NKAIN2: variants seen among roughly 807,000 people sequenced by gnomAD.
NKAIN2 encodes sodium/potassium-transporting ATPase subunit beta-1-interacting protein 2.
NKAIN2 carries 14 observed loss-of-function variants against 32.6 expected under a neutral mutation model. The ratio of observed to expected loss-of-function variants is 0.43; its 90% CI spans 0.28 to 0.67. The LOEUF is 0.67. NKAIN2 is among the 30% of genes least tolerant of loss of function. NKAIN2 has a pLI of 0.17. For synonymous variants in NKAIN2, 80 were observed against 87.2 expected, an observed-to-expected ratio of 0.92 and a Z score of 0.46; for missense variants, 198 against 258.3, an observed-to-expected ratio of 0.77 and a Z score of 1.60.
At position 124,647,496 on chromosome 6, in the gene NKAIN2, C is replaced by CAAAAAAAA. The variant is rs1157607122; in HGVS notation, c.274-10673_274-10666dup. The stretch of plus-strand genomic sequence containing the variant: ...CCTGGGCGACAGAGCGAGACTCTGT[C>CAAAAAAAA]AAAAAAAAAAAAAAAAAAAAAAAAG... On this transcript the variant is annotated intron_variant, in intron 3 of 6. Coordinates refer to ENST00000368417, the MANE Select transcript of NKAIN2 (RefSeq NM_001040214.3). 7.0e-4 allele frequency among the ~76,000 whole-genome samples: 41 copies of CAAAAAAAA among 58,914 alleles called. 3 individuals carry two copies. The highest frequency in any genetic ancestry group is 9.4e-4 in the African/African-American group (12 of 12,728). The allele number at this position is 58,914 out of a possible 152,430, so 38.6% of individuals were successfully genotyped here. A position where few individuals can be genotyped will look rare whatever the true frequency, so the allele number is the denominator to read the frequency against.
At chr6:124,679,732 A>G (rs1372043260) in intron 4 of NKAIN2, among the ~76,000 whole-genome samples, 1 of 152,160 alleles carries the variant, frequency 6.6e-6, no homozygotes, top group Non-Finnish European at 1.5e-5. Context: ...AAAATAAATA[A>G]TGGTTTTTAA....
intron 3 of NKAIN2, among the ~76,000 whole-genome samples, chr6:124,491,305 T>C (rs930798034): frequency 6.6e-6 from 1 of 151,948 alleles, no homozygotes. Flanking sequence ...TCTGCTCTAC[T>C]GTGCTCTCTT....
In NKAIN2 at chr6:124,398,204, G is replaced by C. The variant is rs569879703; in HGVS notation, c.273+42857G>C. On this transcript the variant is annotated intron_variant, in intron 3 of 6. Transcript: ENST00000368417. ...GGAGGCGGAGCTTGCAGTGAGCCGA[G>C]ATCGCGCCACTGCACTCCAGCCTGG... Among the ~76,000 whole-genome samples the C allele has an allele frequency of 6.8e-3, 866 of 126,968 alleles. 3 individuals are homozygous for C. Among genetic ancestry groups the C allele is most frequent in the Admixed American group, 0.012 (114 of 9,790 alleles). The allele number at this position is 126,968 out of a possible 152,430, so 83.3% of individuals were successfully genotyped here.
At position 123,868,050 on chromosome 6, in the gene NKAIN2, A is replaced by G. The variant is rs184199592; in HGVS notation, c.54+63796A>G. Among the ~76,000 whole-genome samples, 358 of 152,022 alleles carry G rather than the reference A, an allele frequency of 2.4e-3. 2 individuals carry two copies. The highest frequency in any genetic ancestry group is 8.1e-3 in the African/African-American group (337 of 41,442). On this transcript the variant is annotated intron_variant, in intron 1 of 6. Transcript: ENST00000368417. ...CACCCGGCTAATTTTTTGTATTTTT[A>G]GTAGAGACAGGGTTTCACTGTGTTA...
intron 3 of NKAIN2, among the ~76,000 whole-genome samples, chr6:124,589,386 T>C (rs1047230304): frequency 6.6e-6 from 1 of 152,326 alleles, no homozygotes; most frequent in South Asian, 2.1e-4. Context: ...ACTCTAATAT[T>C]CGTTAAATAT....
chr6:123,834,377 A>G (rs1312165043), intron 1 of NKAIN2, among the ~76,000 whole-genome samples: 2 of 149,452 alleles, frequency 1.3e-5, no homozygotes, highest in Non-Finnish European at 3.0e-5. Flanking sequence ...CTGGTCTTGA[A>G]CTCCTGACCT....
chr6:124,438,111 T>C (rs1775538531), intron 3 of NKAIN2, among the ~76,000 whole-genome samples: 2 of 152,104 alleles, frequency 1.3e-5, no homozygotes, highest in South Asian at 2.1e-4. Flanking sequence ...TCTCAACACA[T>C]AGCTTGTCAT....
chr6:124,633,254 G>T (rs925096037), intron 3 of NKAIN2, among the ~76,000 whole-genome samples: 1 of 152,104 alleles, frequency 6.6e-6, no homozygotes, highest in Non-Finnish European at 1.5e-5. Flanking sequence ...CTCATCTTCT[G>T]TTAAATAAGA....
In NKAIN2 at chr6:123,804,114, T is replaced by G. The variant is rs1274653811; in HGVS notation, c.-87T>G. 3.1e-6 allele frequency: 4 copies of G among 1,273,478 alleles called. No homozygotes were observed. Among genetic ancestry groups the G allele is most frequent in the Non-Finnish European group, 4.6e-6 (4 of 870,362 alleles). The allele number at this position is 1,273,478 out of a possible 1,614,324, so 78.9% of individuals were successfully genotyped here. On this transcript the variant is annotated 5_prime_UTR_variant, in exon 1 of 7. Coordinates refer to ENST00000368417, the MANE Select transcript of NKAIN2 (RefSeq NM_001040214.3). ...CCCGAGCCCTCGGCAGGTTTGCGTG[T>G]CCTTCCCCGCGATCTGATTGGATAA... is the stretch of plus-strand genomic sequence containing the variant.
At chr6:124,753,715 G>A (rs1486963457) in intron 4 of NKAIN2, among the ~76,000 whole-genome samples, 1 of 152,208 alleles carries the variant, frequency 6.6e-6, no homozygotes, top group East Asian at 1.9e-4. Flanking sequence ...AGGAAAGAAT[G>A]AGGAGTCTCT....
At chr6:124,482,295 G>T (rs1281105862) in intron 3 of NKAIN2, among the ~76,000 whole-genome samples, 2 of 152,150 alleles carry the variant, frequency 1.3e-5, no homozygotes, top group Non-Finnish European at 2.9e-5. Context: ...TAGTTTAAAT[G>T]ATTTTATCTT....
At chr6:123,829,172 A>T (rs1420444706) in intron 1 of NKAIN2, 3 of 152,188 alleles carry the variant, frequency 2.0e-5, no homozygotes, top group Admixed American at 1.3e-4. Flanking sequence ...TCTTGAGCTA[A>T]GATTCTTTCT....
At chr6:124,048,778 T>TA (rs200434316) in intron 1 of NKAIN2, among the ~76,000 whole-genome samples, 2,051 of 152,034 alleles carry the variant, frequency 0.013, 48 homozygotes, top group African/African-American at 0.047. Flanking sequence ...GTAAACAAAG[T>TA]AAAAAAAGCA....
rs369892103 is a variant in NKAIN2 at position 124,752,744 on chromosome 6, G to T, written c.475-38595G>T. On this transcript the variant is annotated intron_variant, in intron 4 of 6. Coordinates refer to ENST00000368417, the MANE Select transcript of NKAIN2 (RefSeq NM_001040214.3). The stretch of plus-strand genomic sequence containing the variant: ...CATTATACAAAGATGGTTAAACAAA[G>T]AATGTATATCTAAGTATGCATCCAA... Among the ~76,000 whole-genome samples, 30 of 152,130 alleles carry T rather than the reference G, an allele frequency of 2.0e-4. No individual in the cohort carries two copies. The East Asian group carries it at 5.3e-3, about 27-fold the overall frequency.
At chr6:124,133,618 G>C (rs1477693049) in intron 1 of NKAIN2, among the ~76,000 whole-genome samples, 2 of 151,966 alleles carry the variant, frequency 1.3e-5, no homozygotes, top group Non-Finnish European at 2.9e-5. Flanking sequence ...AATAAATAAA[G>C]TATACACCAC....
intron 5 of NKAIN2, among the ~76,000 whole-genome samples, chr6:124,813,352 G>C (rs528392115): frequency 4.9e-4 from 74 of 152,208 alleles, no homozygotes; most frequent in Admixed American, 3.2e-3. Flanking sequence ...AGAACATAAA[G>C]AGCAAATTTT....
intron 1 of NKAIN2, among the ~76,000 whole-genome samples, chr6:124,126,408 A>G (rs1786168056): frequency 6.6e-6 from 1 of 152,146 alleles, no homozygotes; most frequent in Non-Finnish European, 1.5e-5. Flanking sequence ...TACTTGGCTA[A>G]CTTGGTTCTT....
At chr6:123,894,856 G>A (rs1774197133) in intron 1 of NKAIN2, among the ~76,000 whole-genome samples, 1 of 152,090 alleles carries the variant, frequency 6.6e-6, no homozygotes, top group Non-Finnish European at 1.5e-5. Flanking sequence ...CACTACACAA[G>A]GGGAATTTGG....
intron 1 of NKAIN2, among the ~76,000 whole-genome samples, chr6:123,837,181 G>T (rs1356303858): frequency 6.6e-6 from 1 of 151,456 alleles, no homozygotes; most frequent in Non-Finnish European, 1.5e-5. Context: ...TATAGCATTT[G>T]ATTTATGCTG....
Sources: allele counts gnomAD v4.1 joint callset (sites outside exome capture counted in the v4.1 genomes callset), GRCh38; gene constraint gnomAD v4.1.1; transcripts MANE v1.5; gene names NCBI Gene and HGNC (gene_info 2026-07-23, HGNC 2026-07-21).